The following CD109 variants were observed in gnomAD, a reference collection of about 807,000 sequenced individuals.
CD109 encodes CD109 molecule.
A neutral mutation model predicts 165.8 loss-of-function variants in CD109; 149 were observed. That is an observed-to-expected ratio of 0.90 (90% CI 0.79 to 1.03). The LOEUF (loss-of-function observed/expected upper bound fraction) is 1.03. Ranked by LOEUF, CD109 falls within the 50% of genes least tolerant of loss-of-function variation. The pLI, the probability that CD109 is intolerant of heterozygous loss-of-function variation, is 0.00. For missense variants in CD109, 1,712 were observed against 1,677.8 expected (o/e 1.02, Z -0.36); for synonymous variants, 585 against 592.1 (o/e 0.99, Z 0.18).
chr6:73,775,602 G>A (rs947604804), intron 15 of CD109, among the ~76,000 whole-genome samples: 3 of 152,072 alleles, frequency 2.0e-5, no homozygotes, highest in African/African-American at 7.2e-5. Context: ...TTGTTGTACA[G>A]ATTATTTCAT....
rs745949220 is a variant in CD109, at chr6:73,697,548, G to A, written c.223G>A (p.Glu75Lys). The A allele has an allele frequency of 9.9e-6, 16 of 1,613,958 alleles. No individual in the cohort carries two copies. Among genetic ancestry groups the A allele is most frequent in the Non-Finnish European group, 1.4e-5 (16 of 1,179,898 alleles). ...ATCAAACCTCACTGTCTCTGTCCTGGAAGCAGAAGGAGTCTTTGAAAAAGG... is the reference window on the plus strand; with the variant it reads ...ATCAAACCTCACTGTCTCTGTCCTGAAAGCAGAAGGAGTCTTTGAAAAAGG... ...TASNLTVSVL[E>K]AEGVFEKGSF... Residue 75 changes from glutamate to lysine, a missense_variant, in exon 2 of 33, where the codon GAA becomes AAA. Coordinates refer to ENST00000287097, the MANE Select transcript of CD109 (RefSeq NM_133493.5).
In CD109 at chr6:73,710,152, G is replaced by T. The variant is rs1771467533; in HGVS notation, c.247+12580G>T. 3.9e-5 allele frequency among the ~76,000 whole-genome samples: 6 copies of T among 152,142 alleles called. No homozygotes were observed. The South Asian group carries it at 1.0e-3, about 26-fold the overall frequency. On this transcript the variant is annotated intron_variant, in intron 2 of 32. Coordinates refer to ENST00000287097, the MANE Select transcript of CD109 (RefSeq NM_133493.5). Reference sequence around the variant, plus strand: ...AATTAGGAAAAGAGGAAGTCAAATTGTCCCTGTTTGTAGATGACATGATTG... The same window carrying T: ...AATTAGGAAAAGAGGAAGTCAAATTTTCCCTGTTTGTAGATGACATGATTG...
intron 4 of CD109, among the ~76,000 whole-genome samples, chr6:73,736,044 G>T (rs1416719891): frequency 6.6e-6 from 1 of 152,122 alleles, no homozygotes; most frequent in East Asian, 1.9e-4. Context: ...GAACTTGGGA[G>T]AAATATGAGA....
At position 73,717,078 on chromosome 6, in the gene CD109, A is replaced by C. The variant is rs569869925; in HGVS notation, c.248-6173A>C. ...GTTCTTGGCACCTTTGTCAAAAATG[A>C]GTTCACTGTAGGTGTATGGATTTGT... is the stretch of plus-strand genomic sequence containing the variant. On this transcript the variant is annotated intron_variant, in intron 2 of 32. Coordinates refer to ENST00000287097, the MANE Select transcript of CD109 (RefSeq NM_133493.5). Among the ~76,000 whole-genome samples the C allele has an allele frequency of 5.9e-5, 9 of 152,300 alleles. No homozygotes were observed. The South Asian group carries it at 1.9e-3, about 32-fold the overall frequency.
At chr6:73,695,647 A>T (rs185168666), upstream of CD109, 1 of 152,886 alleles carries the variant, frequency 6.5e-6, no homozygotes, top group East Asian at 1.9e-4. Flanking sequence ...ATTCATATAC[A>T]TTAAATAACT....
chr6:73,821,761 C>T (rs975667772), intron 32 of CD109, among the ~76,000 whole-genome samples: 7 of 152,182 alleles, frequency 4.6e-5, no homozygotes, highest in Admixed American at 1.3e-4. Context: ...GAAACACTCT[C>T]TATTGGGTAC....
At chr6:73,818,018 A>G (rs533893966) in intron 30 of CD109, among the ~76,000 whole-genome samples, 38 of 152,280 alleles carry the variant, frequency 2.5e-4, no homozygotes, top group African/African-American at 7.9e-4. Flanking sequence ...GGTGCTGTCA[A>G]CTTTTGAGAA....
chr6:73,791,678 G>C (rs554519353), intron 22 of CD109, among the ~76,000 whole-genome samples: 22 of 152,162 alleles, frequency 1.4e-4, no homozygotes, highest in African/African-American at 4.8e-4. Flanking sequence ...ACGAATTTTA[G>C]CTTGCTTCTT....
In CD109 at chr6:73,727,838, T is replaced by C. The variant is rs925436867; in HGVS notation, c.277-2506T>C. Among the ~76,000 whole-genome samples, 14 of 152,330 alleles carry C rather than the reference T, an allele frequency of 9.2e-5. No individual in the cohort carries two copies. The East Asian group carries it at 2.3e-3, about 25-fold the overall frequency. ...GCATATAATATTCTGGTTCCTGGTGTATATATTTTCTTGTTTATAGTATTA... is the reference window on the plus strand; with the variant it reads ...GCATATAATATTCTGGTTCCTGGTGCATATATTTTCTTGTTTATAGTATTA... On this transcript the variant is annotated intron_variant, in intron 3 of 32. Coordinates refer to ENST00000287097, the MANE Select transcript of CD109 (RefSeq NM_133493.5).
rs541206532 is a variant in CD109, at chr6:73,718,777, CAATG to C, written c.248-4473_248-4470del. ...ATAGTATTGTTGTGAGCTTTAAACT[CAATG>C]TATGTAATGCTTTAGAACACTCTGT... is the stretch of plus-strand genomic sequence containing the variant. On this transcript the variant is annotated intron_variant, in intron 2 of 32. Coordinates refer to ENST00000287097, the MANE Select transcript of CD109 (RefSeq NM_133493.5). Among the ~76,000 whole-genome samples, 1,081 of 151,886 alleles carry C rather than the reference CAATG, an allele frequency of 7.1e-3. 20 individuals carry two copies. Among genetic ancestry groups the C allele is most frequent in the African/African-American group, 0.024 (1,013 of 41,432 alleles).
At chr6:73,703,496 A>C (rs182257714) in intron 2 of CD109, among the ~76,000 whole-genome samples, 2 of 152,346 alleles carry the variant, frequency 1.3e-5, no homozygotes, top group East Asian at 3.9e-4. Context: ...CCCAAGGTCA[A>C]ATCACTTATT....
At position 73,788,405 on chromosome 6, in the gene CD109, C is replaced by T. The variant is rs146863531; in HGVS notation, c.2557-63C>T. 3.7e-4 allele frequency: 539 copies of T among 1,461,484 alleles called. 3 individuals are homozygous for T. The African/African-American group carries it at 6.5e-3, about 18-fold the overall frequency. 90.5% of individuals were successfully genotyped at this position (1,461,484 alleles called of 1,614,324 possible). On this transcript the variant is annotated intron_variant, in intron 21 of 32. Coordinates refer to ENST00000287097, the MANE Select transcript of CD109 (RefSeq NM_133493.5). The stretch of plus-strand genomic sequence containing the variant: ...GGTCAGATGTTTGTGCTCATATCTG[C>T]GTATAGTTCTCTGTAAACATGTGAG...
At position 73,788,685 on chromosome 6, in the gene CD109, A is replaced by T. The variant is rs150445963; in HGVS notation, c.2701+73A>T. The T allele has an allele frequency of 2.7e-4, 377 of 1,375,498 alleles. 1 individual carries two copies. The East Asian group carries it at 9.1e-3, about 33-fold the overall frequency. The allele number at this position is 1,375,498 out of a possible 1,614,324, so 85.2% of individuals were successfully genotyped here. A position where few individuals can be genotyped will look rare whatever the true frequency, so the allele number is the denominator to read the frequency against. On this transcript the variant is annotated intron_variant, in intron 22 of 32. Transcript: ENST00000287097. ...ATATATGTTGTTCTTGTAATTATAG[A>T]TGTATTTTCTTATTGAGTCCTAATA...
At chr6:73,791,158 TATATATATATATATATATACACAC>T (rs1562070919) in intron 22 of CD109, among the ~76,000 whole-genome samples, 10 of 29,252 alleles carry the variant, frequency 3.4e-4, no homozygotes, top group African/African-American at 1.2e-3. Flanking sequence ...TATATATATA[TATATATATATATATATATACACAC>T]ACACACATAC....
At chr6:73,718,117 C>T (rs1180052978) in intron 2 of CD109, among the ~76,000 whole-genome samples, 1 of 151,776 alleles carries the variant, frequency 6.6e-6, no homozygotes, top group Non-Finnish European at 1.5e-5. Flanking sequence ...CTGAGACCAG[C>T]CTGGGCAACA....
chr6:73,752,406 G>A (rs1773227428), intron 5 of CD109, among the ~76,000 whole-genome samples: 1 of 152,044 alleles, frequency 6.6e-6, no homozygotes, highest in Non-Finnish European at 1.5e-5. Flanking sequence ...CTTCTTAAAA[G>A]GGTGGTAAAA....
chr6:73,781,662 A>G (rs1443243885), intron 17 of CD109, among the ~76,000 whole-genome samples: 1 of 57,484 alleles, frequency 1.7e-5, no homozygotes, highest in Non-Finnish European at 3.5e-5. Flanking sequence ...AAGGAGCAAC[A>G]TATTTTTGAA....
Position 73,771,004 on chromosome 6 carries a change from G to A in CD109, c.1675-425G>A, listed in dbSNP as rs1051465376. ...AGTCCAGGTGGTTCTATGAGTCCCCGAGGAGCTCTCCTTGCCTTCACTTCT... is the reference window on the plus strand; with the variant it reads ...AGTCCAGGTGGTTCTATGAGTCCCCAAGGAGCTCTCCTTGCCTTCACTTCT... On this transcript the variant is annotated intron_variant, in intron 14 of 32. Transcript: ENST00000287097. Among the ~76,000 whole-genome samples, 5 of 152,092 alleles carry A rather than the reference G, an allele frequency of 3.3e-5. No homozygotes were observed. In the South Asian group the frequency reaches 6.2e-4, roughly 19 times the overall value.
At chr6:73,736,699 A>G (rs1332380584) in intron 5 of CD109, among the ~76,000 whole-genome samples, 191 bp downstream of exon 5, 1 of 152,222 alleles carries the variant, frequency 6.6e-6, no homozygotes, top group African/African-American at 2.4e-5. Context: ...AACATATTAG[A>G]ATTTTCATAA....
Sources: allele counts gnomAD v4.1 joint callset (sites outside exome capture counted in the v4.1 genomes callset), GRCh38; gene constraint gnomAD v4.1.1; transcripts MANE v1.5; gene names NCBI Gene and HGNC (gene_info 2026-07-23, HGNC 2026-07-21).